Variants in NPEPPS observed in about 807,000 individuals in gnomAD.
NPEPPS encodes the protein puromycin-sensitive aminopeptidase.
In NPEPPS, 14 loss-of-function variants were observed where a neutral mutation model predicts 115.5. The observed-to-expected ratio is 0.12, with a 90% CI of 0.08 to 0.19. The LOEUF is 0.19. Ranked by LOEUF, NPEPPS falls within the 10% of genes least tolerant of loss-of-function variation. NPEPPS has a pLI of 1.00. For missense variants in NPEPPS, 523 were observed against 1,110.8 expected, an observed-to-expected ratio of 0.47 and a Z score of 7.52; for synonymous variants, 285 against 390.6, an observed-to-expected ratio of 0.73 and a Z score of 3.19.
At position 47,591,142 on chromosome 17, in the gene NPEPPS, C is replaced by T. The variant is rs564239685; in HGVS notation, c.1260+261C>T. On this transcript the variant is annotated intron_variant, in intron 10 of 22. Transcript: ENST00000322157. ...ATCCTAGCATTTTGGGAGGCTGAGG[C>T]AGGTGGATCACCTGAGGTCGGGAGT... 2.0e-3 allele frequency among the ~76,000 whole-genome samples: 311 copies of T among 152,170 alleles called. No homozygotes were observed. Among genetic ancestry groups the T allele is most frequent in the African/African-American group, 7.0e-3 (292 of 41,528 alleles).
intron 1 of NPEPPS, among the ~76,000 whole-genome samples, chr17:47,535,313 A>G (rs1474178938): frequency 7.1e-6 from 1 of 140,270 alleles, no homozygotes; most frequent in East Asian, 2.3e-4. Flanking sequence ...GCACTTTGGG[A>G]GGCAGAGGCG....
At chr17:47,537,765 G>C (rs1216829575) in intron 1 of NPEPPS, among the ~76,000 whole-genome samples, 10 of 149,796 alleles carry the variant, frequency 6.7e-5, no homozygotes, top group Middle Eastern at 3.2e-3. Flanking sequence ...ATCTTTTTAT[G>C]CTTTGCAATT....
At chr17:47,545,542 A>G (rs1909143735) in intron 1 of NPEPPS, among the ~76,000 whole-genome samples, 1 of 152,048 alleles carries the variant, frequency 6.6e-6, no homozygotes, top group African/African-American at 2.4e-5. Flanking sequence ...AGTCTTACGA[A>G]CATCATTATT....
At chr17:47,609,953 T>A (rs1913740749) in intron 17 of NPEPPS, among the ~76,000 whole-genome samples, 1 of 152,232 alleles carries the variant, frequency 6.6e-6, no homozygotes, top group Non-Finnish European at 1.5e-5. Flanking sequence ...TCCATTGTAC[T>A]GCTGCAATTC....
At chr17:47,563,041 T>A (rs11871264) in intron 2 of NPEPPS, among the ~76,000 whole-genome samples, 3,071 of 150,656 alleles carry the variant, frequency 0.02, 97 homozygotes, top group East Asian at 0.16. Context: ...TTTGTTTTGT[T>A]TTTTTTTTGA....
intron 2 of NPEPPS, among the ~76,000 whole-genome samples, chr17:47,557,981 C>T (rs1002341739): frequency 1.6e-4 from 23 of 146,744 alleles, no homozygotes; most frequent in African/African-American, 5.6e-4. Flanking sequence ...GGCTGGGGTA[C>T]AGTGGCTCTA....
At chr17:47,558,374 G>A (rs4060787) in intron 2 of NPEPPS, among the ~76,000 whole-genome samples, 1 of 145,840 alleles carries the variant, frequency 6.9e-6, no homozygotes, top group African/African-American at 2.6e-5. Flanking sequence ...AGTGATCCAC[G>A]TGCCTCAGCC....
chr17:47,563,040 T>G lies in NPEPPS; in HGVS notation c.341-6377T>G, dbSNP rs983413295. On this transcript the variant is annotated intron_variant, in intron 2 of 22. Coordinates refer to ENST00000322157, the MANE Select transcript of NPEPPS (RefSeq NM_006310.4). The stretch of plus-strand genomic sequence containing the variant: ...GTTTTTTTGTTGTTTGTTTGTTTTG[T>G]TTTTTTTTTGAGATGGAGTCTCGCT... Among the ~76,000 whole-genome samples the G allele has an allele frequency of 2.0e-4, 30 of 146,828 alleles. No homozygotes were observed. The East Asian group carries it at 3.3e-3, about 16-fold the overall frequency.
In NPEPPS at chr17:47,558,575, G is replaced by A. The variant is rs543254932; in HGVS notation, c.341-10842G>A. 2.5e-3 allele frequency among the ~76,000 whole-genome samples: 382 copies of A among 151,716 alleles called. 3 individuals carry two copies. Among genetic ancestry groups the A allele is most frequent in the African/African-American group, 8.9e-3 (366 of 41,334 alleles). On this transcript the variant is annotated intron_variant, in intron 2 of 22. Coordinates refer to ENST00000322157, the MANE Select transcript of NPEPPS (RefSeq NM_006310.4). ...CTCCCAAGTAGCTGGGATTACATGC[G>A]CCTGCTACCACGCCTGGCTAATTTT...
intron 12 of NPEPPS, among the ~76,000 whole-genome samples, chr17:47,593,120 A>T (rs1201839531): frequency 6.6e-6 from 1 of 152,210 alleles, no homozygotes; most frequent in Non-Finnish European, 1.5e-5. Context: ...CAAAAGAAAT[A>T]TGAAATTCAA....
chr17:47,572,307 C>G (rs1210727254), intron 3 of NPEPPS, among the ~76,000 whole-genome samples: 1 of 152,068 alleles, frequency 6.6e-6, no homozygotes, highest in East Asian at 1.9e-4. Flanking sequence ...TTGATGTCTA[C>G]TCACATTTCA....
chr17:47,573,292 C>CTTT (rs1274944789), intron 3 of NPEPPS, among the ~76,000 whole-genome samples: 1 of 152,092 alleles, frequency 6.6e-6, no homozygotes, highest in Non-Finnish European at 1.5e-5. Context: ...AGCATACTAC[C>CTTT]TTTAAAATTT....
intron 1 of NPEPPS, among the ~76,000 whole-genome samples, chr17:47,539,646 G>T (rs1327408041): frequency 6.6e-6 from 1 of 152,052 alleles, no homozygotes; most frequent in Non-Finnish European, 1.5e-5. Context: ...TTATTCCTAT[G>T]TATAGTTTAA....
chr17:47,573,505 G>A (rs1441868811), intron 3 of NPEPPS, among the ~76,000 whole-genome samples: 1 of 152,176 alleles, frequency 6.6e-6, no homozygotes, highest in African/African-American at 2.4e-5. Flanking sequence ...ATTGGAGTGG[G>A]GGATGGATTA....
chr17:47,538,872 A>G (rs1474755315), intron 1 of NPEPPS, among the ~76,000 whole-genome samples: 1 of 151,874 alleles, frequency 6.6e-6, no homozygotes, highest in African/African-American at 2.4e-5. Flanking sequence ...CCTTACTCTC[A>G]TGTTCTTCTT....
rs767889830 is a variant in NPEPPS, at chr17:47,601,591, GT to G, written c.1601-15del. The G allele has an allele frequency of 5.5e-5, 88 of 1,612,622 alleles. No homozygotes were observed. The highest frequency in any genetic ancestry group is 7.1e-5 in the Non-Finnish European group (84 of 1,179,532). ...GTTTGTCCCAGTGCAAAATTTGTTTGTTCTTCTCTGGCTTAGGTGAAGATTG... is the reference window on the plus strand; with the variant it reads ...GTTTGTCCCAGTGCAAAATTTGTTTGTCTTCTCTGGCTTAGGTGAAGATTG... On this transcript the variant is annotated splice_polypyrimidine_tract_variant and intron_variant, in intron 14 of 22. Transcript: ENST00000322157.
chr17:47,573,027 C>T (rs1361033429), intron 3 of NPEPPS, among the ~76,000 whole-genome samples: 1 of 152,174 alleles, frequency 6.6e-6, no homozygotes, highest in South Asian at 2.1e-4. Context: ...CTGCCCACTT[C>T]GGCCTCTCAA....
chr17:47,537,743 C>G (rs962835117), intron 1 of NPEPPS, among the ~76,000 whole-genome samples: 1 of 150,522 alleles, frequency 6.6e-6, no homozygotes, highest in African/African-American at 2.4e-5. Flanking sequence ...GGAAATATTT[C>G]TAAAATACAT....
At position 47,599,693 on chromosome 17, in the gene NPEPPS, A is replaced by G. The variant is rs199627398; in HGVS notation, c.1554A>G (p.Leu518=). 36 of 1,562,220 alleles carry G rather than the reference A, an allele frequency of 2.3e-5. No individual in the cohort carries two copies. The highest frequency in any genetic ancestry group is 3.0e-5 in the Non-Finnish European group (35 of 1,151,756). ...TTCTTTAGGTAGAAGATGACAGATT[A>G]TTGAGGTTGTCCCAAAAGAAGTTCT... ...VEAEQVEDDR[L]LRLSQKKFCA... Residue 518 remains leucine, a synonymous_variant, in exon 14 of 23, where the codon TTA becomes TTG. Transcript: ENST00000322157.
Sources: gnomAD v4.1 joint callset for allele counts (sites outside exome capture counted in the v4.1 genomes callset) on GRCh38, gnomAD v4.1.1 for gene constraint, MANE v1.5 for transcripts, NCBI Gene and HGNC (gene_info 2026-07-23, HGNC 2026-07-21) for gene names.